WWOX: variants seen among roughly 807,000 people sequenced by gnomAD.
WWOX encodes the protein WW domain containing oxidoreductase, also known as WW domain-containing oxidoreductase.
A neutral mutation model predicts 46.2 loss-of-function variants in WWOX; 69 were observed. The ratio of observed to expected loss-of-function variants is 1.49; its 90% CI spans 1.23 to 1.82. The LOEUF (loss-of-function observed/expected upper bound fraction) is 1.82. WWOX is among the 40% of genes most tolerant of loss of function. The pLI, the probability that WWOX is intolerant of heterozygous loss-of-function variation, is 0.00. For synonymous variants in WWOX, 359 were observed against 202.6 expected (o/e 1.77, Z -6.56); for missense variants, 919 against 542.6 (o/e 1.69, Z -6.89).
chr16:78,675,722 C>T (rs865811783), intron 8 of WWOX, among the ~76,000 whole-genome samples: 4 of 152,124 alleles, frequency 2.6e-5, no homozygotes, highest in African/African-American at 4.8e-5. Context: ...TGCCTATAAC[C>T]CTGCACTTAG....
intron 8 of WWOX, among the ~76,000 whole-genome samples, chr16:78,847,660 T>G (rs181325705): frequency 1.1e-4 from 17 of 152,190 alleles, no homozygotes; most frequent in African/African-American, 3.9e-4. Flanking sequence ...TTCTGAGCTT[T>G]CTTTGGGATG....
At chr16:78,668,663 C>G (rs571710816) in intron 8 of WWOX, among the ~76,000 whole-genome samples, 2 of 152,230 alleles carry the variant, frequency 1.3e-5, no homozygotes, top group East Asian at 3.9e-4. Flanking sequence ...AAGGAGGAAG[C>G]TTTACCCCTG....
intron 5 of WWOX, among the ~76,000 whole-genome samples, chr16:78,263,885 G>A (rs190907822): frequency 6.6e-6 from 1 of 152,076 alleles, no homozygotes; most frequent in African/African-American, 2.4e-5. Context: ...TCTCAGGCTG[G>A]CCAGTGTGGA....
intron 8 of WWOX, among the ~76,000 whole-genome samples, chr16:78,448,140 C>A (rs537432936): frequency 2.0e-4 from 30 of 152,220 alleles, no homozygotes; most frequent in African/African-American, 6.7e-4. Flanking sequence ...GGGACAACGG[C>A]CCTGCTCTCA....
intron 8 of WWOX, among the ~76,000 whole-genome samples, chr16:78,879,339 CATG>C (rs2044296013): frequency 6.6e-6 from 1 of 152,160 alleles, no homozygotes; most frequent in African/African-American, 2.4e-5. Context: ...ATGTTGACAA[CATG>C]ATGTCAAAGA....
At chr16:78,144,475 A>ACACG (rs1567596427) in intron 4 of WWOX, among the ~76,000 whole-genome samples, 1 of 40,884 alleles carries the variant, frequency 2.4e-5, no homozygotes, top group African/African-American at 1.1e-4. Context: ...ACACATATAT[A>ACACG]TATATATATA....
chr16:78,946,255 A>C (rs1322043177), intron 8 of WWOX, among the ~76,000 whole-genome samples: 2 of 152,042 alleles, frequency 1.3e-5, no homozygotes, highest in African/African-American at 4.8e-5. Context: ...CAGCAGTGCA[A>C]TCTCGGCTCA....
At chr16:78,692,523 A>G (rs2048012796) in intron 8 of WWOX, among the ~76,000 whole-genome samples, 1 of 152,168 alleles carries the variant, frequency 6.6e-6, no homozygotes, top group South Asian at 2.1e-4. Context: ...TTTGGGTTCT[A>G]AGACGTCCAA....
At chr16:78,587,576 C>T (rs1208913421) in intron 8 of WWOX, among the ~76,000 whole-genome samples, 1 of 152,008 alleles carries the variant, frequency 6.6e-6, no homozygotes, top group Non-Finnish European at 1.5e-5. Flanking sequence ...CCCTGATTAC[C>T]GTAAACAGAG....
intron 8 of WWOX, among the ~76,000 whole-genome samples, chr16:79,190,795 C>T (rs2051120421): frequency 6.6e-6 from 1 of 152,202 alleles, no homozygotes; most frequent in Non-Finnish European, 1.5e-5. Flanking sequence ...GCTGCTTTTG[C>T]ACTACAGTAG....
At chr16:78,874,081 C>G (rs1428458915) in intron 8 of WWOX, among the ~76,000 whole-genome samples, 2 of 149,420 alleles carry the variant, frequency 1.3e-5, no homozygotes, top group Non-Finnish European at 3.0e-5. Context: ...CCAACCCTGT[C>G]TCTACTAAAA....
At chr16:78,308,635 C>A (rs1476925767) in intron 5 of WWOX, among the ~76,000 whole-genome samples, 1 of 152,174 alleles carries the variant, frequency 6.6e-6, no homozygotes, top group Non-Finnish European at 1.5e-5. Context: ...AACATCCTTC[C>A]CTTTCCAGGT....
intron 5 of WWOX, among the ~76,000 whole-genome samples, chr16:78,315,112 C>T (rs1318386037): frequency 2.0e-5 from 3 of 152,118 alleles, no homozygotes; most frequent in African/African-American, 7.2e-5. Flanking sequence ...TTAATTTTGT[C>T]ACTTTTTCTT....
chr16:78,869,750 A>G (rs891741745), intron 8 of WWOX, among the ~76,000 whole-genome samples: 1 of 152,224 alleles, frequency 6.6e-6, no homozygotes, highest in African/African-American at 2.4e-5. Flanking sequence ...TTTCTAAACA[A>G]CAATAAGTCT....
chr16:79,036,416 G>A (rs113583723), intron 8 of WWOX, among the ~76,000 whole-genome samples: 93 of 152,262 alleles, frequency 6.1e-4, no homozygotes, highest in African/African-American at 2.0e-3. Flanking sequence ...ATTATTGCCC[G>A]TTGACCTCCA....
intron 8 of WWOX, among the ~76,000 whole-genome samples, chr16:78,523,280 G>T (rs1016768662): frequency 6.6e-6 from 1 of 152,144 alleles, no homozygotes; most frequent in African/African-American, 2.4e-5. Flanking sequence ...TTTAATATGT[G>T]CCAGTATATA....
At chr16:78,443,149 A>G (rs961764267) in intron 8 of WWOX, among the ~76,000 whole-genome samples, 1 of 150,234 alleles carries the variant, frequency 6.7e-6, no homozygotes, top group African/African-American at 2.5e-5. Flanking sequence ...AAAAAAAAAA[A>G]AAAAAAAAGG....
chr16:78,882,000 C>T (rs367562066), intron 8 of WWOX, among the ~76,000 whole-genome samples: 1 of 152,074 alleles, frequency 6.6e-6, no homozygotes, highest in Non-Finnish European at 1.5e-5. Flanking sequence ...GTGGCGCATG[C>T]CTGTAATCCC....
At chr16:78,865,770 C>G (rs1026300066) in intron 8 of WWOX, among the ~76,000 whole-genome samples, 4 of 152,140 alleles carry the variant, frequency 2.6e-5, no homozygotes, top group African/African-American at 9.7e-5. Flanking sequence ...ATCCCAGCTA[C>G]TCAGGAGACG....
Sources: allele counts gnomAD v4.1 joint callset (sites outside exome capture counted in the v4.1 genomes callset), GRCh38; gene constraint gnomAD v4.1.1; transcripts MANE v1.5; gene names NCBI Gene and HGNC (gene_info 2026-07-23, HGNC 2026-07-21).